PPA2: variants seen among roughly 807,000 people sequenced by gnomAD.
The protein encoded by PPA2 is inorganic pyrophosphatase 2.
PPA2 carries 48 observed loss-of-function variants against 49.5 expected under a neutral mutation model. That is an observed-to-expected ratio of 0.97 (90% CI 0.77 to 1.23). The LOEUF is 1.23. PPA2 is among the 50% of genes most tolerant of loss of function. The pLI is 0.00. For missense variants in PPA2, 429 were observed against 410.1 expected (o/e 1.05, Z -0.40); for synonymous variants, 131 against 139.9 (o/e 0.94, Z 0.45).
At chr4:105,398,575 G>A (rs1734235960) in intron 8 of PPA2, 1 of 152,560 alleles carries the variant, frequency 6.6e-6, no homozygotes, top group South Asian at 2.1e-4. Flanking sequence ...GTAACTCAGT[G>A]GTATTCTAAT....
intron 10 of PPA2, among the ~76,000 whole-genome samples, chr4:105,371,194 A>C (rs1187381938): frequency 1.3e-5 from 2 of 152,172 alleles, no homozygotes; most frequent in Non-Finnish European, 2.9e-5. Context: ...TTGAAAGTTA[A>C]AATCAAGCAC....
intron 7 of PPA2, among the ~76,000 whole-genome samples, chr4:105,401,686 T>C (rs1722199516): frequency 6.6e-6 from 1 of 152,192 alleles, no homozygotes; most frequent in Non-Finnish European, 1.5e-5. Flanking sequence ...TCCAATAAAG[T>C]TAGGATAATC....
chr4:105,372,219 T>C (rs886799669), intron 10 of PPA2, among the ~76,000 whole-genome samples: 6 of 152,164 alleles, frequency 3.9e-5, no homozygotes, highest in African/African-American at 1.4e-4. Flanking sequence ...CTTTGGCCCC[T>C]TGTGGGGATG....
chr4:105,425,082 A>C (rs1723432973), intron 6 of PPA2, among the ~76,000 whole-genome samples: 1 of 152,206 alleles, frequency 6.6e-6, no homozygotes, highest in Admixed American at 6.5e-5. Context: ...CAAAGTTTTA[A>C]AAGTGCCTGG....
At chr4:105,419,361 T>C (rs541198229) in intron 7 of PPA2, among the ~76,000 whole-genome samples, 3 of 152,114 alleles carry the variant, frequency 2.0e-5, no homozygotes, top group Non-Finnish European at 4.4e-5. Flanking sequence ...CCTGTGTCCA[T>C]GTATTCTCAC....
At position 105,389,435 on chromosome 4, in the gene PPA2, T is replaced by C. The variant is rs1434229330; in HGVS notation, c.870-2799A>G. ...ATGACTAAGCTGTTAGTGCCCACTA[T>C]AAACGAAACTTAAAAAAAAAAAAAA... is the stretch of plus-strand genomic sequence containing the variant. On this transcript the variant is annotated intron_variant, in intron 9 of 11. Coordinates refer to ENST00000341695, the MANE Select transcript of PPA2 (RefSeq NM_176869.3). Among the ~76,000 whole-genome samples, 3 of 141,652 alleles carry C rather than the reference T, an allele frequency of 2.1e-5. No individual in the cohort carries two copies. The East Asian group carries it at 6.0e-4, about 28-fold the overall frequency. The allele number at this position is 141,652 out of a possible 152,430, so 92.9% of individuals were successfully genotyped here.
chr4:105,416,833 A>C (rs1723034151), intron 7 of PPA2, among the ~76,000 whole-genome samples: 1 of 152,152 alleles, frequency 6.6e-6, no homozygotes, highest in Non-Finnish European at 1.5e-5. Context: ...CTTTTCATAA[A>C]TTGTACTCTT....
chr4:105,404,858 G>T (rs1341602737), intron 7 of PPA2, among the ~76,000 whole-genome samples: 1 of 152,154 alleles, frequency 6.6e-6, no homozygotes. Context: ...GAGGCGGGCA[G>T]ATCACCAGGT....
At chr4:105,410,486 C>T (rs148038624) in intron 7 of PPA2, among the ~76,000 whole-genome samples, 100 of 152,318 alleles carry the variant, frequency 6.6e-4, no homozygotes, top group African/African-American at 2.3e-3. Flanking sequence ...TTAGAAAACA[C>T]TGTACAGGAT....
intron 7 of PPA2, among the ~76,000 whole-genome samples, chr4:105,404,874 G>A (rs1460944597): frequency 6.6e-6 from 1 of 152,154 alleles, no homozygotes; most frequent in African/African-American, 2.4e-5. Context: ...CAGGTCAGGA[G>A]ATCGAGACCA....
At chr4:105,446,177 C>T (rs193250498) in intron 5 of PPA2, 18 of 410,084 alleles carry the variant, frequency 4.4e-5, no homozygotes, top group African/African-American at 1.9e-4. Flanking sequence ...ATGCCTGACT[C>T]CAAGAACTTG....
At chr4:105,395,823 C>A (rs1441086569) in intron 9 of PPA2, among the ~76,000 whole-genome samples, 1 of 152,094 alleles carries the variant, frequency 6.6e-6, no homozygotes, top group Non-Finnish European at 1.5e-5. Flanking sequence ...GGTGAATATA[C>A]ATTTAAATGT....
At chr4:105,370,640 G>A in intron 11 of PPA2, 197 bp downstream of exon 11, 1 of 967,360 alleles carries the variant, frequency 1.0e-6, no homozygotes, top group South Asian at 4.8e-5. Flanking sequence ...TAGAAAAGTA[G>A]TTAAATGCAT....
intron 7 of PPA2, among the ~76,000 whole-genome samples, chr4:105,401,232 A>G (rs1007372559): frequency 3.3e-5 from 5 of 152,188 alleles, no homozygotes; most frequent in Admixed American, 1.3e-4. Context: ...TATATTCAAC[A>G]TAAGAAAACT....
chr4:105,415,636 G>T (rs975642146), intron 7 of PPA2, among the ~76,000 whole-genome samples: 2 of 152,118 alleles, frequency 1.3e-5, no homozygotes, highest in Non-Finnish European at 2.9e-5. Context: ...CAGGAAGGTG[G>T]TGATCCCACC....
chr4:105,436,902 T>A (rs1724087723), intron 6 of PPA2, among the ~76,000 whole-genome samples: 1 of 152,018 alleles, frequency 6.6e-6, no homozygotes, highest in African/African-American at 2.4e-5. Context: ...TCTCTGGATA[T>A]CGCCTAGGCA....
intron 9 of PPA2, among the ~76,000 whole-genome samples, chr4:105,394,996 G>T (rs997396617): frequency 1.3e-5 from 2 of 151,962 alleles, no homozygotes; most frequent in Non-Finnish European, 2.9e-5. Flanking sequence ...AAGACTAGAG[G>T]ACATTCAATC....
intron 7 of PPA2, among the ~76,000 whole-genome samples, chr4:105,412,611 A>C (rs1445269053): frequency 1.3e-5 from 2 of 152,242 alleles, no homozygotes; most frequent in Non-Finnish European, 2.9e-5. Flanking sequence ...AATATCCAGA[A>C]TCTACAAAGA....
chr4:105,412,044 C>A (rs999469043), intron 7 of PPA2, among the ~76,000 whole-genome samples: 4 of 152,106 alleles, frequency 2.6e-5, no homozygotes, highest in African/African-American at 9.7e-5. Flanking sequence ...CAGTGACATG[C>A]CGATCAAGCT....
Sources: gnomAD v4.1 joint callset for allele counts (sites outside exome capture counted in the v4.1 genomes callset) on GRCh38, gnomAD v4.1.1 for gene constraint, MANE v1.5 for transcripts, NCBI Gene and HGNC (gene_info 2026-07-23, HGNC 2026-07-21) for gene names.